The following KANK1 variants were observed in gnomAD, a reference collection of about 807,000 sequenced individuals.
KANK1 encodes the protein KN motif and ankyrin repeat domain-containing protein 1.
A neutral mutation model predicts 106.2 loss-of-function variants in KANK1; 109 were observed. That is an observed-to-expected ratio of 1.03 (90% CI 0.88 to 1.20). The LOEUF (loss-of-function observed/expected upper bound fraction) is 1.20. KANK1 is among the 50% of genes most tolerant of loss of function. KANK1 has a pLI of 0.00. For missense variants in KANK1, 2,399 were observed against 1,710.7 expected (o/e 1.40, Z -7.10); for synonymous variants, 873 against 652.2 (o/e 1.34, Z -5.16).
At chr9:556,548 TA>T (rs1235031212) in intron 1 of KANK1, among the ~76,000 whole-genome samples, 4 of 152,242 alleles carry the variant, frequency 2.6e-5, no homozygotes, top group African/African-American at 9.6e-5. Flanking sequence ...ATACAATGAC[TA>T]TGCGGTTTTG....
intron 1 of KANK1, among the ~76,000 whole-genome samples, chr9:606,252 T>C (rs1237042856): frequency 2.0e-5 from 3 of 151,258 alleles, no homozygotes; most frequent in African/African-American, 4.9e-5. Context: ...TTTAAAAATA[T>C]ATATTTTTAG....
In KANK1 at chr9:574,572, C is replaced by G. The variant is rs75241045; in HGVS notation, c.-84+69818C>G. On this transcript the variant is annotated intron_variant, in intron 1 of 11. Transcript: ENST00000382297. Reference sequence around the variant, plus strand: ...TTTGTAATGTTTGAAAATATTCTTTCTCAGCCGCGCGTGGTGGCTTATGCC... The same window carrying G: ...TTTGTAATGTTTGAAAATATTCTTTGTCAGCCGCGCGTGGTGGCTTATGCC... 1.7e-4 allele frequency among the ~76,000 whole-genome samples: 26 copies of G among 152,224 alleles called. 1 individual carries two copies. In the East Asian group the frequency reaches 5.0e-3, roughly 29 times the overall value.
intron 2 of KANK1, among the ~76,000 whole-genome samples, chr9:691,398 G>A (rs1414598294): frequency 6.7e-6 from 1 of 149,818 alleles, no homozygotes; most frequent in Non-Finnish European, 1.5e-5. Flanking sequence ...TTGTATGTGT[G>A]TGTGTGTATA....
chr9:738,488 G>T lies in KANK1; in HGVS notation c.3537G>T (p.Lys1179Asn). The T allele has an allele frequency of 6.2e-7, 1 of 1,614,000 alleles. No individual in the cohort carries two copies. Among genetic ancestry groups the T allele is most frequent in the Non-Finnish European group, 8.5e-7 (1 of 1,179,870 alleles). The change falls in exon 8 of 12, where the codon AAG (lysine) becomes AAT (asparagine). Residue 1179 changes from lysine to asparagine, a missense_variant. By Grantham distance (94) the Lys-to-Asn change is moderately conservative (BLOSUM62 0). Transcript: ENST00000382297. Reference protein sequence around the residue: ...SVSHSNFEIVKLLLDADVCNV... With the variant: ...SVSHSNFEIVNLLLDADVCNV... ...CCCACTCCAACTTCGAGATTGTGAA[G>T]CTGCTGTTAGATGCCGGTATGTTGG...
In KANK1 at chr9:714,495, G is replaced by T. The variant is rs557693166; in HGVS notation, c.2698+1031G>T. ...GTGTCTCAACCTCCTGAGTAGCTGGGACTACAGGTGCCCACCACTATGCCC... is the reference window on the plus strand; with the variant it reads ...GTGTCTCAACCTCCTGAGTAGCTGGTACTACAGGTGCCCACCACTATGCCC... On this transcript the variant is annotated intron_variant, in intron 3 of 11. Transcript: ENST00000382297. 6.6e-5 allele frequency among the ~76,000 whole-genome samples: 10 copies of T among 151,816 alleles called. No individual in the cohort carries two copies. The South Asian group carries it at 1.3e-3, about 19-fold the overall frequency.
intron 1 of KANK1, among the ~76,000 whole-genome samples, chr9:505,307 C>CAGAGGGGCA: frequency 6.6e-6 from 1 of 152,188 alleles, no homozygotes; most frequent in Admixed American, 6.5e-5. Context: ...GGTCGCCCTC[C>CAGAGGGGCA]GCCAACTCCG....
At chr9:689,104 C>G (rs186005144) in intron 2 of KANK1, among the ~76,000 whole-genome samples, 1 of 152,228 alleles carries the variant, frequency 6.6e-6, no homozygotes, top group African/African-American at 2.4e-5. Flanking sequence ...TTGGTATTGG[C>G]TTTTCTTAAT....
chr9:481,207 T>G (rs1414490546), intron 3 of KANK1, among the ~76,000 whole-genome samples: 1 of 152,206 alleles, frequency 6.6e-6, no homozygotes, highest in African/African-American at 2.4e-5. Context: ...GCTGAATGTG[T>G]ATGGCTTTCA....
intron 1 of KANK1, among the ~76,000 whole-genome samples, chr9:560,787 A>G (rs1174219171): frequency 3.3e-5 from 5 of 152,132 alleles, no homozygotes; most frequent in Admixed American, 6.5e-5. Flanking sequence ...TAGAAAAAAA[A>G]AAAGGCTGCA....
intron 1 of KANK1, among the ~76,000 whole-genome samples, chr9:640,691 C>G (rs1374231496): frequency 6.6e-6 from 1 of 150,800 alleles, no homozygotes; most frequent in Non-Finnish European, 1.5e-5. Context: ...GCCACCACGC[C>G]CGGCCTAATT....
intron 1 of KANK1, among the ~76,000 whole-genome samples, chr9:635,779 A>ACCTCTGCTT (rs144456719): frequency 0.069 from 9,981 of 144,150 alleles, 900 homozygotes; most frequent in East Asian, 0.25. Flanking sequence ...GCTCACTGCA[A>ACCTCTGCTT]CCTCTGCTTC....
intron 3 of KANK1, among the ~76,000 whole-genome samples, chr9:491,375 C>G (rs972504844): frequency 6.6e-6 from 1 of 151,766 alleles, no homozygotes; most frequent in African/African-American, 2.4e-5. Flanking sequence ...TCAAGCAATT[C>G]TCCTGCCTCA....
intron 1 of KANK1, among the ~76,000 whole-genome samples, chr9:632,996 A>C (rs74307564): frequency 6.6e-6 from 1 of 151,592 alleles, no homozygotes; most frequent in South Asian, 2.1e-4. Context: ...TCCCAGCCTG[A>C]GAGTGAGTGT....
intron 1 of KANK1, among the ~76,000 whole-genome samples, chr9:543,915 A>G (rs1409257410): frequency 2.6e-5 from 4 of 152,100 alleles, no homozygotes; most frequent in Admixed American, 2.6e-4. Flanking sequence ...TTTAATCCTG[A>G]TAATTTCTCA....
chr9:606,204 A>G (rs1829101356), intron 1 of KANK1, among the ~76,000 whole-genome samples: 1 of 151,226 alleles, frequency 6.6e-6, no homozygotes, highest in African/African-American at 2.5e-5. Flanking sequence ...ATATACGTAC[A>G]TACATATATA....
rs1563697052 is a variant in KANK1, at chr9:514,183, TCTCCCTCCCTTCCTCCCTCCCTCTCTCC to T, written c.-84+9453_-84+9480del. On this transcript the variant is annotated intron_variant, in intron 1 of 11. Coordinates refer to ENST00000382297, the MANE Select transcript of KANK1 (RefSeq NM_015158.5). ...CCCTTCCTCTCTCCCTCCCTTCCTCTCTCCCTCCCTTCCTCCCTCCCTCTCTCCCTCCCTCCCTTCCTCCCTCCCTCCC... is the reference window on the plus strand; with the variant it reads ...CCCTTCCTCTCTCCCTCCCTTCCTCTCTCCCTCCCTTCCTCCCTCCCTCCC... 9.3e-3 allele frequency among the ~76,000 whole-genome samples: 258 copies of T among 27,758 alleles called. 11 individuals carry two copies. Among genetic ancestry groups the T allele is most frequent in the Non-Finnish European group, 5.6e-3 (102 of 18,240 alleles). 18.2% of individuals were successfully genotyped at this position (27,758 alleles called of 152,430 possible). A position where few individuals can be genotyped will look rare whatever the true frequency, so the allele number is the denominator to read the frequency against.
At position 742,303 on chromosome 9, in the gene KANK1, C is replaced by G. The variant is rs143867128; in HGVS notation, c.3795C>G (p.Asp1265Glu). The G allele has an allele frequency of 2.5e-6, 4 of 1,613,994 alleles. No homozygotes were observed. The East Asian group carries it at 6.7e-5, about 27-fold the overall frequency. The stretch of plus-strand genomic sequence containing the variant: ...GGGCTGATGTCAACATCCAGGATGA[C>G]GAGGGCTCCACGGCCCTCATGTGTG... ...ACGADVNIQD[D>E]EGSTALMCAS... Residue 1265 changes from aspartate to glutamate, a missense_variant, in exon 10 of 12, where the codon GAC becomes GAG. By Grantham distance (45) the Asp-to-Glu change is conservative (BLOSUM62 2). Coordinates refer to ENST00000382297, the MANE Select transcript of KANK1 (RefSeq NM_015158.5).
chr9:506,083 TAA>T (rs1162408106), intron 1 of KANK1, among the ~76,000 whole-genome samples: 2 of 152,184 alleles, frequency 1.3e-5, no homozygotes, highest in Admixed American at 1.3e-4. Flanking sequence ...AATATATCCG[TAA>T]AGTTATGAAA....
chr9:635,320 A>G (rs1196028149), intron 1 of KANK1, among the ~76,000 whole-genome samples: 1 of 151,596 alleles, frequency 6.6e-6, no homozygotes, highest in Non-Finnish European at 1.5e-5. Context: ...TTCCTTGCGC[A>G]CTCCCTGTTC....
Sources: allele counts gnomAD v4.1 joint callset (sites outside exome capture counted in the v4.1 genomes callset), GRCh38; gene constraint gnomAD v4.1.1; transcripts MANE v1.5; gene names NCBI Gene and HGNC (gene_info 2026-07-23, HGNC 2026-07-21).